CPNE8: variants seen among roughly 807,000 people sequenced by gnomAD.
The protein encoded by CPNE8 is copine 8.
A neutral mutation model predicts 81.5 loss-of-function variants in CPNE8; 45 were observed. The ratio of observed to expected loss-of-function variants is 0.55; its 90% confidence interval spans 0.44 to 0.71. CPNE8 has a LOEUF of 0.71. CPNE8 is among the 30% of genes least tolerant of loss of function. The pLI is 0.00. For missense variants in CPNE8, 594 were observed against 672.1 expected (o/e 0.88, Z 1.28); for synonymous variants, 252 against 226.3 (o/e 1.11, Z -1.02).
intron 1 of CPNE8, among the ~76,000 whole-genome samples, chr12:38,879,948 T>TA (rs766548556): frequency 3.3e-5 from 5 of 152,184 alleles, no homozygotes; most frequent in Non-Finnish European, 7.4e-5. Flanking sequence ...AACAACACAT[T>TA]AAAAAATCTA....
At position 38,660,838 on chromosome 12, in the gene CPNE8, C is replaced by T. The variant is rs923768858; in HGVS notation, c.1507-6768G>A. 2.0e-5 allele frequency among the ~76,000 whole-genome samples: 3 copies of T among 152,136 alleles called. No individual in the cohort carries two copies. In the East Asian group the frequency reaches 5.8e-4, roughly 29 times the overall value. ...TACTTCTCAAAAGACATTTATGCAG[C>T]CAACAGACATATGAAAAAATGCTAA... On this transcript the variant is annotated intron_variant, in intron 19 of 19. Transcript: ENST00000331366.
intron 6 of CPNE8, among the ~76,000 whole-genome samples, chr12:38,817,614 CTTTTT>C (rs869168296): frequency 4.9e-3 from 447 of 90,606 alleles, no homozygotes; most frequent in Middle Eastern, 0.013. Flanking sequence ...TTAATTTATT[CTTTTT>C]TTTTTTTTTT....
intron 1 of CPNE8, among the ~76,000 whole-genome samples, chr12:38,885,125 A>G (rs1207888186): frequency 1.3e-5 from 2 of 152,224 alleles, no homozygotes; most frequent in Non-Finnish European, 2.9e-5. Flanking sequence ...TATGAAGCCT[A>G]GAGAAAAAAT....
At chr12:38,798,218 G>C (rs1301768453) in intron 6 of CPNE8, among the ~76,000 whole-genome samples, 1 of 152,094 alleles carries the variant, frequency 6.6e-6, no homozygotes, top group East Asian at 1.9e-4. Flanking sequence ...GATACTCCTT[G>C]AGAAGAGCAA....
intron 7 of CPNE8, among the ~76,000 whole-genome samples, chr12:38,768,574 CAGTGG>C (rs1941737498): frequency 6.6e-6 from 1 of 152,162 alleles, no homozygotes; most frequent in African/African-American, 2.4e-5. Context: ...GGCTGGAGTG[CAGTGG>C]CATGATCTCG....
intron 11 of CPNE8, among the ~76,000 whole-genome samples, chr12:38,725,881 A>G (rs1051639255): frequency 3.3e-5 from 5 of 152,204 alleles, no homozygotes; most frequent in Admixed American, 6.5e-5. Flanking sequence ...TAATAGGTCT[A>G]CAGCAGCAGT....
chr12:38,842,521 A>G (rs1943486907), intron 4 of CPNE8, among the ~76,000 whole-genome samples: 2 of 151,972 alleles, frequency 1.3e-5, no homozygotes, highest in Admixed American at 1.3e-4. Flanking sequence ...ACCTGAATAC[A>G]ATAATACAAT....
chr12:38,819,810 T>C (rs1367447806), intron 6 of CPNE8, among the ~76,000 whole-genome samples: 1 of 145,968 alleles, frequency 6.9e-6, no homozygotes, highest in African/African-American at 2.5e-5. Flanking sequence ...AATTCCCAAA[T>C]GTTCCTTCCA....
intron 6 of CPNE8, among the ~76,000 whole-genome samples, chr12:38,828,478 G>A (rs1402629154): frequency 5.9e-5 from 9 of 152,074 alleles, no homozygotes; most frequent in Non-Finnish European, 7.4e-5. Flanking sequence ...ATAATTTCTT[G>A]CATAGCAATG....
intron 10 of CPNE8, among the ~76,000 whole-genome samples, chr12:38,745,955 A>C (rs1019332431): frequency 6.6e-6 from 1 of 152,172 alleles, no homozygotes; most frequent in African/African-American, 2.4e-5. Flanking sequence ...CCACATCCTG[A>C]GCATCCTGAA....
At chr12:38,901,881 T>C (rs1400053127) in intron 1 of CPNE8, among the ~76,000 whole-genome samples, 5 of 152,306 alleles carry the variant, frequency 3.3e-5, no homozygotes, top group African/African-American at 9.6e-5. Context: ...TCTTTGAATT[T>C]AGCCCCGTTA....
chr12:38,728,424 C>A (rs1940754237), intron 11 of CPNE8, among the ~76,000 whole-genome samples: 1 of 152,056 alleles, frequency 6.6e-6, no homozygotes, highest in Non-Finnish European at 1.5e-5. Flanking sequence ...GAATTCTCAA[C>A]TTGTAAAGTA....
chr12:38,823,565 G>A (rs1202327275), intron 6 of CPNE8, among the ~76,000 whole-genome samples: 2 of 152,158 alleles, frequency 1.3e-5, no homozygotes, highest in East Asian at 1.9e-4. Flanking sequence ...TGCTGGTACT[G>A]CTTCTTCCCA....
chr12:38,772,224 C>T (rs1378436259), intron 7 of CPNE8, among the ~76,000 whole-genome samples: 1 of 152,142 alleles, frequency 6.6e-6, no homozygotes, highest in African/African-American at 2.4e-5. Context: ...CAGTACCATG[C>T]TCTTGAGCTT....
intron 19 of CPNE8, among the ~76,000 whole-genome samples, chr12:38,654,346 T>C (rs1212755592): frequency 6.6e-6 from 1 of 151,752 alleles, no homozygotes; most frequent in Non-Finnish European, 1.5e-5. Context: ...TGAAACTGTG[T>C]CACTACTGAA....
chr12:38,799,202 A>G (rs548780376), intron 6 of CPNE8, among the ~76,000 whole-genome samples: 3 of 152,186 alleles, frequency 2.0e-5, no homozygotes, highest in African/African-American at 7.2e-5. Flanking sequence ...AGGGGACCTA[A>G]TAGACATCTA....
chr12:38,800,236 T>C (rs1337980689), intron 6 of CPNE8, among the ~76,000 whole-genome samples: 2 of 63,554 alleles, frequency 3.1e-5, no homozygotes, highest in Non-Finnish European at 8.6e-5. Context: ...AGCAGTAACC[T>C]CTGCAGACTT....
At chr12:38,750,804 T>C (rs1371090288) in intron 10 of CPNE8, among the ~76,000 whole-genome samples, 1 of 152,190 alleles carries the variant, frequency 6.6e-6, no homozygotes, top group Non-Finnish European at 1.5e-5. Context: ...AATGCTGAAA[T>C]GAGTGAAGAC....
intron 6 of CPNE8, among the ~76,000 whole-genome samples, chr12:38,820,801 T>G (rs1367344148): frequency 6.6e-6 from 1 of 152,234 alleles, no homozygotes; most frequent in Non-Finnish European, 1.5e-5. Flanking sequence ...ATGGACAGAA[T>G]GTCCCATCTA....
Sources: gnomAD v4.1 joint callset for allele counts (sites outside exome capture counted in the v4.1 genomes callset) on GRCh38, gnomAD v4.1.1 for gene constraint, MANE v1.5 for transcripts, NCBI Gene and HGNC (gene_info 2026-07-23, HGNC 2026-07-21) for gene names.